The following MPRIP variants were observed in gnomAD, a reference collection of about 807,000 sequenced individuals.
The protein encoded by MPRIP is myosin phosphatase Rho-interacting protein.
A neutral mutation model predicts 234.9 loss-of-function variants in MPRIP; 59 were observed. The observed-to-expected ratio is 0.25, with a 90% CI of 0.20 to 0.31. MPRIP has a LOEUF of 0.31. Among genes scored for constraint, MPRIP ranks in the 10% least tolerant of loss-of-function variants. MPRIP has a pLI of 1.00. For synonymous variants in MPRIP, 1,144 were observed against 1,263.9 expected, an observed-to-expected ratio of 0.91 and a Z score of 2.01; for missense variants, 2,436 against 3,071.0, an observed-to-expected ratio of 0.79 and a Z score of 4.89.
At chr17:17,096,309 G>A (rs950729722) in intron 3 of MPRIP, among the ~76,000 whole-genome samples, 8 of 119,296 alleles carry the variant, frequency 6.7e-5, no homozygotes, top group African/African-American at 2.8e-4. Context: ...GTGTGTGTGT[G>A]TGTGTGTGTG....
chr17:17,187,223 A>G lies in MPRIP; in HGVS notation c.*2329A>G, dbSNP rs947332509. The stretch of plus-strand genomic sequence containing the variant: ...TTTGATTCCCTTTTTTCTGTCACAT[A>G]TCCCTTGAGGCTGGACTTCAGGAAT... On this transcript the variant is annotated 3_prime_UTR_variant, in exon 24 of 24. Coordinates refer to ENST00000651222, the MANE Select transcript of MPRIP (RefSeq NM_001364716.4). 3.9e-4 allele frequency: 60 copies of G among 152,206 alleles called. 2 individuals are homozygous for G. Among genetic ancestry groups the G allele is most frequent in the African/African-American group, 1.4e-3 (56 of 41,420 alleles). 9.4% of individuals were successfully genotyped at this position (152,206 alleles called of 1,614,324 possible).
chr17:17,169,072 G>T (rs2046072961), intron 16 of MPRIP: 1 of 444,232 alleles, frequency 2.3e-6, no homozygotes, highest in Non-Finnish European at 4.5e-6. Flanking sequence ...GAACTGAGAA[G>T]CTCTTTTTCA....
intron 3 of MPRIP, among the ~76,000 whole-genome samples, chr17:17,094,621 CTTTTTT>C (rs759404428): frequency 4.5e-4 from 61 of 134,726 alleles, no homozygotes; most frequent in Non-Finnish European, 8.4e-4. Context: ...TCTTCACTGT[CTTTTTT>C]TTTTTTTTTA....
At chr17:17,161,077 C>T (rs1429005205) in intron 14 of MPRIP, among the ~76,000 whole-genome samples, 163 bp from the exon 15 acceptor site, 1 of 152,228 alleles carries the variant, frequency 6.6e-6, no homozygotes, top group Non-Finnish European at 1.5e-5. Context: ...GGAACCTTCA[C>T]TTCCAAATGC....
intron 3 of MPRIP, among the ~76,000 whole-genome samples, chr17:17,088,097 C>T: frequency 6.6e-6 from 1 of 152,234 alleles, no homozygotes; most frequent in Non-Finnish European, 1.5e-5. Context: ...AGAGGGGTTC[C>T]ACCTGGTTAT....
At position 17,051,170 on chromosome 17, in the gene MPRIP, G is replaced by A. The variant is rs557895033; in HGVS notation, c.123+8199G>A. On this transcript the variant is annotated intron_variant, in intron 1 of 23. Transcript: ENST00000651222. The stretch of plus-strand genomic sequence containing the variant: ...TGTTCCAGGAAGCACGCTGGCTGCC[G>A]CCTCTGGGGGAAGTAGCCTTTCTTT... 1.8e-4 allele frequency among the ~76,000 whole-genome samples: 28 copies of A among 152,348 alleles called. No individual in the cohort carries two copies. The East Asian group carries it at 2.1e-3, about 12-fold the overall frequency.
intron 16 of MPRIP, chr17:17,171,298 A>T (rs1286988262): frequency 6.0e-6 from 1 of 166,168 alleles, no homozygotes; most frequent in Non-Finnish European, 1.3e-5. Context: ...CGGGCCTTTC[A>T]CCGTGTCCCT....
At chr17:17,180,151 A>C in intron 23 of MPRIP, 63 bp downstream of exon 23, 1 of 1,336,738 alleles carries the variant, frequency 7.5e-7, no homozygotes, top group Non-Finnish European at 1.0e-6. Flanking sequence ...GAGTAGCCCA[A>C]ATTGAAGTAT....
At chr17:17,150,295 C>G in intron 12 of MPRIP, 62 bp downstream of exon 12, 1 of 1,306,164 alleles carries the variant, frequency 7.7e-7, no homozygotes, top group South Asian at 1.2e-5. Flanking sequence ...GTCAGAGTGC[C>G]TAATGTCTGG....
At position 17,166,766 on chromosome 17, in the gene MPRIP, G is replaced by T. The variant is rs1274963915; in HGVS notation, c.5175G>T (p.Gln1725His). Reference sequence around the variant, plus strand: ...CCCCAGACTTTGAAAGAGTGATGCAGCAGGTCTTGGAAGCCCTCAGGCTTC... The same window carrying T: ...CCCCAGACTTTGAAAGAGTGATGCATCAGGTCTTGGAAGCCCTCAGGCTTC... ...YQTPDFERVMQQVLEALRLPA... is the reference protein window; with the variant it reads ...YQTPDFERVMHQVLEALRLPA... The change falls in exon 16 of 24, where the codon CAG becomes CAT. Residue 1725 changes from glutamine (Q) to histidine (H), a missense_variant. Coordinates refer to ENST00000651222, the MANE Select transcript of MPRIP (RefSeq NM_001364716.4). This position sits in a 1 kb window ranked among gnomAD's most constrained non-coding sequence, Gnocchi z 4.4. The T allele has an allele frequency of 7.7e-7, 1 of 1,304,252 alleles. No individual in the cohort carries two copies. Among genetic ancestry groups the T allele is most frequent in the South Asian group, 1.2e-5 (1 of 81,034 alleles). The allele number at this position is 1,304,252 out of a possible 1,614,324, so 80.8% of individuals were successfully genotyped here.
At chr17:17,120,437 C>G (rs1324217862) in intron 3 of MPRIP, among the ~76,000 whole-genome samples, 1 of 152,126 alleles carries the variant, frequency 6.6e-6, no homozygotes, top group Non-Finnish European at 1.5e-5. Flanking sequence ...GTGCACAGAG[C>G]TTCCAGCCTC....
At chr17:17,137,793 G>GTTAGA in intron 6 of MPRIP, 123 bp from the exon 7 acceptor site, 1 of 742,074 alleles carries the variant, frequency 1.3e-6, no homozygotes, top group Non-Finnish European at 2.1e-6. Context: ...TGTGCTGGAT[G>GTTAGA]TTAGAGACGG....
chr17:17,085,769 C>T (rs1340148398), intron 3 of MPRIP, among the ~76,000 whole-genome samples: 1 of 152,146 alleles, frequency 6.6e-6, no homozygotes, highest in African/African-American at 2.4e-5. Flanking sequence ...AAAAATTAGC[C>T]AGGCATGGTG....
Position 17,075,785 on chromosome 17 carries a change from C to T in MPRIP, c.199C>T (p.Arg67Trp), listed in dbSNP as rs934858962. The T allele has an allele frequency of 1.9e-6, 3 of 1,613,994 alleles. No homozygotes were observed. Among genetic ancestry groups the T allele is most frequent in the Non-Finnish European group, 2.5e-6 (3 of 1,179,950 alleles). Residue 67 changes from arginine to tryptophan, a missense_variant and splice_region_variant, in exon 2 of 24, where the codon CGG becomes TGG. Coordinates refer to ENST00000651222, the MANE Select transcript of MPRIP (RefSeq NM_001364716.4). ...TDFDNPVHRSRKWQRRFFILY... is the reference protein window; with the variant it reads ...TDFDNPVHRSWKWQRRFFILY... The stretch of plus-strand genomic sequence containing the variant: ...CTTTGACAACCCAGTGCACCGGTCT[C>T]GGGTAAGGGCATCAGAGCCAACTCT...
At chr17:17,184,755 C>A in intron 23 of MPRIP, 68 bp from the exon 24 acceptor site, 1 of 1,290,324 alleles carries the variant, frequency 7.7e-7, no homozygotes, top group South Asian at 1.2e-5. Context: ...CCGGTCTGGT[C>A]CGGTCCGGTC....
At chr17:17,123,748 A>G (rs1177040897) in intron 3 of MPRIP, among the ~76,000 whole-genome samples, 1 of 151,836 alleles carries the variant, frequency 6.6e-6, no homozygotes, top group African/African-American at 2.4e-5. Context: ...AAAAGTTAAT[A>G]CCAGGATTAA....
chr17:17,064,087 T>C (rs2088946646), intron 1 of MPRIP, among the ~76,000 whole-genome samples: 1 of 152,118 alleles, frequency 6.6e-6, no homozygotes, highest in African/African-American at 2.4e-5. Context: ...GCGGTGCAGC[T>C]CAGGGCCATG....
rs1157972241 is a variant in MPRIP at position 17,192,426 on chromosome 17, T to TG, written c.*7532_*7533insG. ...GACCAGCTGAGCTGCTGCTTTTTTT[T>TG]TGGGGGGGGGGGGGGGAGGGGCGTC... On this transcript the variant is annotated 3_prime_UTR_variant, in exon 24 of 24. Transcript: ENST00000651222. The TG allele has an allele frequency of 2.4e-3, 7 of 2,960 alleles. No individual in the cohort carries two copies. The highest frequency in any genetic ancestry group is 5.6e-3 in the African/African-American group (6 of 1,066). The allele number at this position is 2,960 out of a possible 1,614,324, so 0.2% of individuals were successfully genotyped here.
chr17:17,179,774 G>A (rs1237875712), intron 22 of MPRIP, among the ~76,000 whole-genome samples: 1 of 152,226 alleles, frequency 6.6e-6, no homozygotes, highest in Admixed American at 6.5e-5. Flanking sequence ...GGAAGCCCTG[G>A]CGGGGCCCCA....
Sources: gnomAD v4.1 joint callset for allele counts (sites outside exome capture counted in the v4.1 genomes callset) on GRCh38, gnomAD v4.1.1 for gene constraint, Gnocchi (gnomAD v3.1) non-coding constraint, MANE v1.5 for transcripts, NCBI Gene and HGNC (gene_info 2026-07-23, HGNC 2026-07-21) for gene names.